BRD3: variants seen among roughly 807,000 people sequenced by gnomAD.
BRD3 encodes bromodomain containing 3, also known as bromodomain-containing protein 3.
Under a neutral mutation model 66.8 loss-of-function variants are expected in BRD3, and 17 were observed. That is an observed-to-expected ratio of 0.25 (90% CI 0.17 to 0.38). The LOEUF (loss-of-function observed/expected upper bound fraction) is 0.38, where lower values mean the gene tolerates loss of function less well. Among genes scored for constraint, BRD3 ranks in the 10% least tolerant of loss-of-function variants. The pLI, the probability that BRD3 is intolerant of heterozygous loss-of-function variation, is 1.00. For missense variants in BRD3, 713 were observed against 956.1 expected (o/e 0.75, Z 3.35); for synonymous variants, 421 against 393.2 (o/e 1.07, Z -0.84).
At position 134,045,471 on chromosome 9, in the gene BRD3, A is replaced by T; in HGVS notation, c.1087-50T>A. ...AGTGAGCGTGGCCCGTGGCATCAGG[A>T]CTCTCTGCCACACCCCACGAGATGA... On this transcript the variant is annotated intron_variant, in intron 6 of 11. Coordinates refer to ENST00000303407, the MANE Select transcript of BRD3 (RefSeq NM_007371.4). The surrounding 1 kb of genome is among the most constrained non-coding windows in gnomAD (Gnocchi z 4.8). 6.2e-7 allele frequency: 1 copy of T among 1,608,266 alleles called. No homozygotes were observed. Among genetic ancestry groups the T allele is most frequent in the South Asian group, 1.1e-5 (1 of 90,828 alleles).
chr9:134,054,661 C>T (rs1279207443), intron 1 of BRD3, among the ~76,000 whole-genome samples: 5 of 152,182 alleles, frequency 3.3e-5, no homozygotes, highest in Admixed American at 6.5e-5. Context: ...TGGGAGGAGC[C>T]GGCTCCGGCC....
Position 134,041,660 on chromosome 9 carries a change from G to T in BRD3, c.1407+100C>A, listed in dbSNP as rs2106223. 3.2e-5 allele frequency: 41 copies of T among 1,262,222 alleles called. No individual in the cohort carries two copies. In the South Asian group the frequency reaches 4.4e-4, roughly 13 times the overall value. 78.2% of individuals were successfully genotyped at this position (1,262,222 alleles called of 1,614,324 possible). A position where few individuals can be genotyped will look rare whatever the true frequency, so the allele number is the denominator to read the frequency against. On this transcript the variant is annotated intron_variant, in intron 8 of 11. Transcript: ENST00000303407. ...GCACTACCGCGGCTGCTGAGGGACA[G>T]GGGCAGAGGAAGGAACCATGCAAAG... is the stretch of plus-strand genomic sequence containing the variant.
chr9:134,048,555 TG>T (rs1830225827), intron 5 of BRD3, 101 bp from the exon 6 acceptor site: 2 of 1,546,300 alleles, frequency 1.3e-6, no homozygotes, highest in Non-Finnish European at 1.7e-6. Flanking sequence ...TGCCTGGCGC[TG>T]GGCTAAGCGG....
chr9:134,066,024 G>C (rs1280472442), intron 1 of BRD3, among the ~76,000 whole-genome samples: 1 of 152,202 alleles, frequency 6.6e-6, no homozygotes. Context: ...CGAAGCAGGC[G>C]CGAGCTGTTG....
intron 1 of BRD3, among the ~76,000 whole-genome samples, chr9:134,059,813 C>T (rs1219524726): frequency 1.3e-5 from 2 of 152,330 alleles, no homozygotes; most frequent in East Asian, 1.9e-4. Flanking sequence ...GCTGTGCGGG[C>T]AAGGCCCCCT....
At chr9:134,050,933 G>A (rs562782558) in intron 4 of BRD3, among the ~76,000 whole-genome samples, 1 of 152,318 alleles carries the variant, frequency 6.6e-6, no homozygotes, top group Non-Finnish European at 1.5e-5. Context: ...AACAAGCTGA[G>A]TGACCAACGA....
Position 134,032,950 on chromosome 9 carries a change from G to A in BRD3, c.*640C>T, listed in dbSNP as rs898288178. ...CATACACAGCCGCTCTGTTCCCTCC[G>A]AGGAGCTCCTGACATCACCACGAGC... On this transcript the variant is annotated 3_prime_UTR_variant, in exon 12 of 12. Transcript: ENST00000303407. 6 of 384,692 alleles carry A rather than the reference G, an allele frequency of 1.6e-5. No individual in the cohort carries two copies. Among genetic ancestry groups the A allele is most frequent in the Admixed American group, 4.5e-5 (1 of 21,982 alleles). The allele number at this position is 384,692 out of a possible 1,614,324, so 23.8% of individuals were successfully genotyped here.
At chr9:134,066,122 C>T (rs1300472262) in intron 1 of BRD3, among the ~76,000 whole-genome samples, 2 of 152,054 alleles carry the variant, frequency 1.3e-5, no homozygotes, top group African/African-American at 4.8e-5. Flanking sequence ...TTTTGAAATC[C>T]CTCCTCCCCG....
intron 1 of BRD3, among the ~76,000 whole-genome samples, chr9:134,064,054 C>G (rs1830596141): frequency 6.6e-6 from 1 of 152,242 alleles, no homozygotes; most frequent in African/African-American, 2.4e-5. Flanking sequence ...AACTGACTCT[C>G]AGGGAACAGC....
In BRD3 at chr9:134,030,471, A is replaced by G. The variant is rs905915017; in HGVS notation, c.*3119T>C. 2.0e-5 allele frequency: 4 copies of G among 202,412 alleles called. No homozygotes were observed. Among genetic ancestry groups the G allele is most frequent in the African/African-American group, 9.2e-5 (4 of 43,594 alleles). The allele number at this position is 202,412 out of a possible 1,614,324, so 12.5% of individuals were successfully genotyped here. ...AAGCTAAACTACTTACATTGGACTC[A>G]TTTTCAGTAACTGACATTTACAGGA... On this transcript the variant is annotated 3_prime_UTR_variant, in exon 12 of 12. Coordinates refer to ENST00000303407, the MANE Select transcript of BRD3 (RefSeq NM_007371.4).
At position 134,036,135 on chromosome 9, in the gene BRD3, G is replaced by T. The variant is rs369709520; in HGVS notation, c.1833C>A (p.Pro611=). Reference sequence around the variant, plus strand: ...TCTCAAAGTCAATTTCTATCTCGTCGGGGTTGGAGTCCCTGAGCGAGGGCT... The same window carrying T: ...TCTCAAAGTCAATTTCTATCTCGTCTGGGTTGGAGTCCCTGAGCGAGGGCT... ...SREPSLRDSN[P]DEIEIDFETL... The change falls in exon 10 of 12, where the codon CCC becomes CCA. Residue 611 remains proline (P), a synonymous_variant. Coordinates refer to ENST00000303407, the MANE Select transcript of BRD3 (RefSeq NM_007371.4). The T allele has an allele frequency of 2.5e-6, 4 of 1,614,068 alleles. No homozygotes were observed. In the African/African-American group the frequency reaches 5.3e-5, roughly 22 times the overall value.
intron 9 of BRD3, among the ~76,000 whole-genome samples, chr9:134,037,119 C>T (rs1157166686): frequency 6.6e-6 from 1 of 152,056 alleles, no homozygotes. Flanking sequence ...TACATAGTGT[C>T]TACACAAATG....
chr9:134,061,982 G>A (rs960450383), intron 1 of BRD3, among the ~76,000 whole-genome samples: 3 of 152,316 alleles, frequency 2.0e-5, no homozygotes, highest in South Asian at 2.1e-4. Flanking sequence ...CCCAGCCCAC[G>A]TGGTGACCAG....
At chr9:134,042,638 AATAT>A (rs200165951) in intron 7 of BRD3, among the ~76,000 whole-genome samples, 35 of 120,482 alleles carry the variant, frequency 2.9e-4, no homozygotes, top group African/African-American at 1.1e-3. Context: ...CCCTGCCTCA[AATAT>A]ATATACACAC....
In BRD3 at chr9:134,062,224, G is replaced by GC. The variant is rs551397417; in HGVS notation, c.-114+5720dup. Reference sequence around the variant, plus strand: ...CAGGGGAATCTGCCCAGTGCTGTGAGCCCCCCATGCACAGCGCACCTGCTC... The same window carrying GC: ...CAGGGGAATCTGCCCAGTGCTGTGAGCCCCCCCATGCACAGCGCACCTGCTC... On this transcript the variant is annotated intron_variant, in intron 1 of 11. Transcript: ENST00000303407. Among the ~76,000 whole-genome samples the GC allele has an allele frequency of 2.6e-3, 393 of 152,254 alleles. 4 individuals carry two copies. Among genetic ancestry groups the GC allele is most frequent in the African/African-American group, 9.1e-3 (378 of 41,544 alleles).
At chr9:134,050,968 T>A (rs1156795538) in intron 4 of BRD3, among the ~76,000 whole-genome samples, 2 of 152,164 alleles carry the variant, frequency 1.3e-5, no homozygotes, top group African/African-American at 4.8e-5. Flanking sequence ...AGCCCCCAGC[T>A]TCTCCCATCT....
chr9:134,056,649 G>T (rs1169029112), intron 1 of BRD3: 1 of 152,438 alleles, frequency 6.6e-6, no homozygotes, highest in East Asian at 1.9e-4. Flanking sequence ...TCCGCTACCA[G>T]GTACTGGGAC....
intron 1 of BRD3, chr9:134,058,942 T>TG (rs1830482632): frequency 6.6e-6 from 1 of 152,328 alleles, no homozygotes; most frequent in Non-Finnish European, 1.5e-5. Context: ...AGCTGGGCAC[T>TG]GGAGGCTGTG....
chr9:134,034,770 T>C lies in BRD3; in HGVS notation c.1996A>G (p.Lys666Glu), dbSNP rs150679546. ...SKEELAQEKK[K>E]ELEKRLQDVS... ...TCCTGCAGACGCTTTTCCAGCTCCT[T>C]CTTCTTTTCCTGAGCTAGCTCCTCT... The change falls in exon 11 of 12, where the codon AAG becomes GAG. Residue 666 changes from lysine to glutamate, a missense_variant. Around this residue, in one of 5 missense-constraint regions of BRD3, gnomAD observed 418 missense variants for 609.3 expected, o/e 0.69. Transcript: ENST00000303407. The C allele has an allele frequency of 1.1e-4, 182 of 1,611,604 alleles. No individual in the cohort carries two copies. The highest frequency in any genetic ancestry group is 1.6e-4 in the Middle Eastern group (1 of 6,084).
Sources: gnomAD v4.1 joint callset for allele counts (sites outside exome capture counted in the v4.1 genomes callset) on GRCh38, gnomAD v4.1.1 for gene constraint, gnomAD v4.1.1 regional missense constraint, Gnocchi (gnomAD v3.1) non-coding constraint, MANE v1.5 for transcripts, NCBI Gene and HGNC (gene_info 2026-07-23, HGNC 2026-07-21) for gene names.